HIVEP3: variants seen among roughly 807,000 people sequenced by gnomAD.
HIVEP3 encodes transcription factor HIVEP3.
Under a neutral mutation model 152.8 loss-of-function variants are expected in HIVEP3, and 49 were observed. That is an observed-to-expected ratio of 0.32 (90% CI 0.26 to 0.41). HIVEP3 has a LOEUF of 0.41. Among genes scored for constraint, HIVEP3 ranks in the 10% least tolerant of loss-of-function variants. The probability of loss-of-function intolerance (pLI) is 1.00; values close to 1 mark genes in which losing one functional copy is unlikely to be tolerated. For synonymous variants in HIVEP3, 1,269 were observed against 1,289.0 expected (o/e 0.98, Z 0.33); for missense variants, 2,790 against 3,103.3 (o/e 0.90, Z 2.40).
chr1:41,627,908 C>T (rs1014183579), intron 3 of HIVEP3, among the ~76,000 whole-genome samples: 38 of 150,522 alleles, frequency 2.5e-4, no homozygotes, highest in African/African-American at 8.3e-4. Context: ...TCCTTCCTTC[C>T]TTTGTCATAC....
At chr1:41,707,192 A>G (rs1293217340) in intron 1 of HIVEP3, among the ~76,000 whole-genome samples, 1 of 152,202 alleles carries the variant, frequency 6.6e-6, no homozygotes, top group Admixed American at 6.5e-5. Context: ...CTTAGAGCCC[A>G]GCTGGTGAAC....
chr1:41,524,350 C>T (rs116263784), intron 6 of HIVEP3, among the ~76,000 whole-genome samples: 2,238 of 152,208 alleles, frequency 0.015, 45 homozygotes, highest in African/African-American at 0.049. Context: ...GTGGCAGTGA[C>T]GAGCATGGAT....
chr1:41,931,032 A>G (rs1211809814), intron 1 of HIVEP3, among the ~76,000 whole-genome samples: 1 of 152,144 alleles, frequency 6.6e-6, no homozygotes, highest in Non-Finnish European at 1.5e-5. Flanking sequence ...CCTTCATTAC[A>G]TATATGATTG....
chr1:41,611,024 G>A (rs1175767721), intron 3 of HIVEP3, among the ~76,000 whole-genome samples: 1 of 150,634 alleles, frequency 6.6e-6, no homozygotes, highest in East Asian at 1.9e-4. Context: ...TCAACCAGGT[G>A]AACTCTGAAA....
intron 1 of HIVEP3, among the ~76,000 whole-genome samples, chr1:41,712,038 G>A (rs1429283010): frequency 6.6e-6 from 1 of 152,200 alleles, no homozygotes; most frequent in African/African-American, 2.4e-5. Context: ...TGGCTAACAA[G>A]CCTCTAGGAT....
intron 1 of HIVEP3, among the ~76,000 whole-genome samples, chr1:41,704,142 C>T (rs1355498950): frequency 2.0e-5 from 3 of 152,198 alleles, no homozygotes; most frequent in Admixed American, 2.0e-4. Flanking sequence ...CACCTGGGCC[C>T]AGTCCACAGC....
chr1:41,920,285 C>T (rs1011273334), upstream of HIVEP3, among the ~76,000 whole-genome samples: 5 of 152,190 alleles, frequency 3.3e-5, no homozygotes, highest in Non-Finnish European at 5.9e-5. Context: ...CCACCACAGA[C>T]CTGAGCCCAG....
intron 2 of HIVEP3, among the ~76,000 whole-genome samples, chr1:41,637,989 T>G (rs745526851): frequency 1.3e-5 from 2 of 152,022 alleles, no homozygotes; most frequent in Non-Finnish European, 2.9e-5. Flanking sequence ...CACTTATAAG[T>G]GGAATCTAAA....
chr1:42,016,466 AG>A (rs1208796486), intron 1 of HIVEP3, among the ~76,000 whole-genome samples: 1 of 152,154 alleles, frequency 6.6e-6, no homozygotes. Flanking sequence ...TGGAATACAA[AG>A]GTATACAAAA....
intron 3 of HIVEP3, among the ~76,000 whole-genome samples, chr1:41,609,257 G>C (rs544499667): frequency 6.6e-6 from 1 of 152,312 alleles, no homozygotes; most frequent in African/African-American, 2.4e-5. Flanking sequence ...GAACTCCATG[G>C]TGTCTGCCCT....
chr1:41,525,910 C>T (rs1488935752), intron 5 of HIVEP3, among the ~76,000 whole-genome samples: 1 of 152,104 alleles, frequency 6.6e-6, no homozygotes, highest in African/African-American at 2.4e-5. Flanking sequence ...CCTTCTGACT[C>T]CTGAAGCCTG....
chr1:41,855,664 A>G (rs6662131), intron 1 of HIVEP3, among the ~76,000 whole-genome samples: 31,359 of 152,060 alleles, frequency 0.21, 3,470 homozygotes, highest in African/African-American at 0.29. Flanking sequence ...TATTCTCACA[A>G]CACTTTTCAT....
chr1:41,725,341 A>G (rs1646737032), intron 1 of HIVEP3, among the ~76,000 whole-genome samples: 1 of 152,214 alleles, frequency 6.6e-6, no homozygotes, highest in African/African-American at 2.4e-5. Flanking sequence ...CAAGGGAATG[A>G]TGGTTCCTTA....
At chr1:41,980,830 T>A (rs1425812297) in intron 1 of HIVEP3, among the ~76,000 whole-genome samples, 2 of 152,204 alleles carry the variant, frequency 1.3e-5, no homozygotes, top group Non-Finnish European at 2.9e-5. Context: ...AGTAGCAAGC[T>A]GTTTTCTTCT....
At chr1:41,747,859 A>G (rs1647096728) in intron 1 of HIVEP3, among the ~76,000 whole-genome samples, 2 of 152,226 alleles carry the variant, frequency 1.3e-5, no homozygotes, top group Admixed American at 1.3e-4. Flanking sequence ...GTCAATTAAG[A>G]ACATGGATCA....
At chr1:41,565,633 G>C (rs1216793948) in intron 5 of HIVEP3, among the ~76,000 whole-genome samples, 1 of 152,104 alleles carries the variant, frequency 6.6e-6, no homozygotes, top group Non-Finnish European at 1.5e-5. Context: ...GAGAGACAGA[G>C]AGAAGCCAGC....
chr1:41,596,773 C>T (rs2149120640), intron 3 of HIVEP3, among the ~76,000 whole-genome samples: 1 of 152,270 alleles, frequency 6.6e-6, no homozygotes, highest in East Asian at 1.9e-4. Flanking sequence ...GAGTGCTGGC[C>T]AACATCCAGG....
chr1:41,713,041 C>T (rs1485360953), intron 1 of HIVEP3, among the ~76,000 whole-genome samples: 1 of 152,206 alleles, frequency 6.6e-6, no homozygotes, highest in Non-Finnish European at 1.5e-5. Context: ...TTGACAAGTT[C>T]AGCAGAGCAT....
chr1:41,591,074 A>C (rs1445510678), intron 3 of HIVEP3, among the ~76,000 whole-genome samples: 1 of 152,214 alleles, frequency 6.6e-6, no homozygotes, highest in Non-Finnish European at 1.5e-5. Context: ...AATAAATAAT[A>C]ATCATCATTG....
Sources: allele counts gnomAD v4.1 joint callset (sites outside exome capture counted in the v4.1 genomes callset), GRCh38; gene constraint gnomAD v4.1.1; transcripts MANE v1.5; gene names NCBI Gene and HGNC (gene_info 2026-07-23, HGNC 2026-07-21).